SLC24A2: variants seen among roughly 807,000 people sequenced by gnomAD.
SLC24A2 encodes the protein solute carrier family 24 member 2.
Under a neutral mutation model 62.0 loss-of-function variants are expected in SLC24A2, and 36 were observed. The ratio of observed to expected loss-of-function variants is 0.58; its 90% CI spans 0.44 to 0.77. The LOEUF is 0.77. Ranked by LOEUF, SLC24A2 falls within the 30% of genes least tolerant of loss-of-function variation. SLC24A2 has a pLI of 0.00. For missense variants in SLC24A2, 846 were observed against 817.9 expected (o/e 1.03, Z -0.42); for synonymous variants, 358 against 294.0 (o/e 1.22, Z -2.23).
chr9:19,834,001 C>G, the SLC24A2 span, among the ~76,000 whole-genome samples: 1 of 152,318 alleles, frequency 6.6e-6, no homozygotes, highest in East Asian at 1.9e-4. Flanking sequence ...TCCAACAGAC[C>G]TGCAGCTGAG....
the SLC24A2 span, among the ~76,000 whole-genome samples, chr9:20,164,199 T>C: frequency 6.6e-6 from 1 of 151,818 alleles, no homozygotes; most frequent in Admixed American, 6.6e-5. Flanking sequence ...ACAGGCAACC[T>C]ACAAAATGGG....
the SLC24A2 span, among the ~76,000 whole-genome samples, chr9:20,242,970 G>A: frequency 2.0e-5 from 3 of 152,082 alleles, no homozygotes; most frequent in East Asian, 1.9e-4. Context: ...CTTGCAAAAC[G>A]AAAAGTTTCA....
chr9:20,167,559 C>T, the SLC24A2 span, among the ~76,000 whole-genome samples: 1 of 151,994 alleles, frequency 6.6e-6, no homozygotes, highest in Non-Finnish European at 1.5e-5. Context: ...ACCTAGCACC[C>T]AAATCTTGGT....
intron 2 of SLC24A2, among the ~76,000 whole-genome samples, chr9:19,739,995 T>A (rs1223742354): frequency 3.3e-5 from 5 of 152,134 alleles, no homozygotes; most frequent in Non-Finnish European, 7.4e-5. Flanking sequence ...CAATTAAGCA[T>A]CAGAAAATGT....
At chr9:19,598,903 C>T (rs1298458796) in intron 4 of SLC24A2, among the ~76,000 whole-genome samples, 1 of 152,164 alleles carries the variant, frequency 6.6e-6, no homozygotes, top group African/African-American at 2.4e-5. Flanking sequence ...GTTTTGTGAC[C>T]TCTCTTCCTT....
the SLC24A2 span, among the ~76,000 whole-genome samples, chr9:20,071,576 T>C: frequency 9.4e-3 from 1,424 of 152,290 alleles, 30 homozygotes; most frequent in African/African-American, 0.033. Flanking sequence ...AATTTATAAA[T>C]GTTACATTAT....
chr9:19,849,646 C>T, the SLC24A2 span, among the ~76,000 whole-genome samples: 2 of 152,140 alleles, frequency 1.3e-5, no homozygotes, highest in Non-Finnish European at 2.9e-5. Context: ...AAAATTTACT[C>T]ACCAACGTGT....
rs1367280039 is a variant in SLC24A2, at chr9:19,631,067, ATC to A, written c.931-8770_931-8769del. Reference sequence around the variant, plus strand: ...TTCATTCTTTTGTATTATTTGTCTCATCTCTCTCTTTTTCACTATTGAGCACC... The same window carrying A: ...TTCATTCTTTTGTATTATTTGTCTCATCTCTCTTTTTCACTATTGAGCACC... On this transcript the variant is annotated intron_variant, in intron 2 of 10. Transcript: ENST00000341998. Among the ~76,000 whole-genome samples, 18 of 152,004 alleles carry A rather than the reference ATC, an allele frequency of 1.2e-4. No individual in the cohort carries two copies. In the South Asian group the frequency reaches 3.7e-3, roughly 32 times the overall value.
chr9:19,714,735 T>C (rs373332676), intron 2 of SLC24A2, among the ~76,000 whole-genome samples: 343 of 152,334 alleles, frequency 2.3e-3, no homozygotes, highest in African/African-American at 7.2e-3. Flanking sequence ...ATATCTATCA[T>C]GTCACAGTTA....
chr9:19,900,279 A>G, the SLC24A2 span, among the ~76,000 whole-genome samples: 1 of 152,232 alleles, frequency 6.6e-6, no homozygotes, highest in African/African-American at 2.4e-5. Context: ...AGAACAAGTA[A>G]CTGGCTTCCA....
chr9:19,960,405 G>A, the SLC24A2 span, among the ~76,000 whole-genome samples: 65 of 151,964 alleles, frequency 4.3e-4, no homozygotes, highest in South Asian at 0.012. Flanking sequence ...CTGTGCATTC[G>A]TGTGTAATGA....
chr9:20,129,257 A>G, the SLC24A2 span, among the ~76,000 whole-genome samples: 1 of 152,128 alleles, frequency 6.6e-6, no homozygotes, highest in Non-Finnish European at 1.5e-5. Flanking sequence ...CTTCACACCC[A>G]TGAGAATGGC....
chr9:19,812,921 G>A, the SLC24A2 span, among the ~76,000 whole-genome samples: 3 of 152,292 alleles, frequency 2.0e-5, no homozygotes, highest in Admixed American at 1.3e-4. Context: ...AGAGCCTGAT[G>A]TATTTTCTGG....
At chr9:19,851,010 TATATATATATATACA>T in the SLC24A2 span, among the ~76,000 whole-genome samples, 2 of 70,598 alleles carry the variant, frequency 2.8e-5, no homozygotes, top group Non-Finnish European at 5.7e-5. Context: ...TACACATACA[TATATATATATATACA>T]TATTTTTTTT....
chr9:19,541,352 C>A (rs796660838), intron 8 of SLC24A2, among the ~76,000 whole-genome samples: 1 of 144,242 alleles, frequency 6.9e-6, no homozygotes, highest in Non-Finnish European at 1.5e-5. Context: ...TACTTTTGGT[C>A]TTTGATGATG....
chr9:20,142,788 G>A, the SLC24A2 span, among the ~76,000 whole-genome samples: 1 of 152,018 alleles, frequency 6.6e-6, no homozygotes, highest in Non-Finnish European at 1.5e-5. Context: ...TAGAGACGGG[G>A]TTTCACCGTG....
chr9:19,517,147 A>T (rs549469573), intron 10 of SLC24A2, among the ~76,000 whole-genome samples: 3 of 152,268 alleles, frequency 2.0e-5, no homozygotes, highest in Admixed American at 2.0e-4. Flanking sequence ...ATCCTGAAAG[A>T]CCTCAGGAGA....
At chr9:20,050,235 C>T in the SLC24A2 span, among the ~76,000 whole-genome samples, 2 of 118,022 alleles carry the variant, frequency 1.7e-5, no homozygotes, top group South Asian at 5.6e-4. Context: ...GAAACCCCGT[C>T]TCTACAAAAA....
intron 7 of SLC24A2, among the ~76,000 whole-genome samples, chr9:19,557,846 T>C (rs1319108203): frequency 6.6e-6 from 1 of 151,382 alleles, no homozygotes; most frequent in East Asian, 1.9e-4. Context: ...GGTCTCACTC[T>C]GTCACCTAGA....
Sources: allele counts gnomAD v4.1 joint callset (sites outside exome capture counted in the v4.1 genomes callset), GRCh38; gene constraint gnomAD v4.1.1; transcripts MANE v1.5; gene names NCBI Gene and HGNC (gene_info 2026-07-23, HGNC 2026-07-21).